SRCIN1: variants seen among roughly 807,000 people sequenced by gnomAD.
The protein encoded by SRCIN1 is SRC kinase signaling inhibitor 1, also known as P130Cas-associated protein.
In SRCIN1, 50 loss-of-function variants were observed where a neutral mutation model predicts 116.2. The observed-to-expected ratio is 0.43, with a 90% CI of 0.34 to 0.54. The LOEUF (loss-of-function observed/expected upper bound fraction) is 0.54. Ranked by LOEUF, SRCIN1 falls within the 20% of genes least tolerant of loss-of-function variation. The pLI is 0.02. For missense variants in SRCIN1, 1,446 were observed against 1,672.0 expected (o/e 0.86, Z 2.36); for synonymous variants, 736 against 750.0 (o/e 0.98, Z 0.30).
At chr17:38,596,257 CA>C (rs1908724680) in intron 1 of SRCIN1, among the ~76,000 whole-genome samples, 1 of 152,122 alleles carries the variant, frequency 6.6e-6, no homozygotes, top group African/African-American at 2.4e-5. Flanking sequence ...GGGGCAGGGC[CA>C]TGGGCCATGG....
At chr17:38,597,901 G>A (rs1223989953) in intron 1 of SRCIN1, among the ~76,000 whole-genome samples, 1 of 152,144 alleles carries the variant, frequency 6.6e-6, no homozygotes, top group African/African-American at 2.4e-5. Flanking sequence ...ACCAGGAGGG[G>A]GTGAGCCATC....
At chr17:38,571,299 G>A (rs923249953) in intron 2 of SRCIN1, among the ~76,000 whole-genome samples, 16 of 152,156 alleles carry the variant, frequency 1.1e-4, no homozygotes, top group African/African-American at 3.6e-4. Context: ...GCCCAGTACA[G>A]TACCTGGTGG....
intron 17 of SRCIN1, chr17:38,546,440 C>T (rs561671343): frequency 1.3e-5 from 2 of 152,434 alleles, no homozygotes; most frequent in South Asian, 4.1e-4. Flanking sequence ...AGGAACCCAC[C>T]CAGCCTTGCC....
At chr17:38,559,518 A>C (rs1567863168) in intron 10 of SRCIN1, 67 bp downstream of exon 10, 3 of 1,517,532 alleles carry the variant, frequency 2.0e-6, no homozygotes, top group Non-Finnish European at 2.7e-6. Flanking sequence ...ATGGGGCGGG[A>C]CTTGCGGCAA....
intron 18 of SRCIN1, among the ~76,000 whole-genome samples, chr17:38,537,799 A>G (rs1216085426): frequency 9.6e-5 from 14 of 145,542 alleles, no homozygotes; most frequent in East Asian, 4.1e-4. Flanking sequence ...TCAAAAAAAA[A>G]AAAGAAAGAA....
intron 1 of SRCIN1, among the ~76,000 whole-genome samples, chr17:38,601,703 C>T (rs923638082): frequency 7.9e-5 from 12 of 152,106 alleles, no homozygotes; most frequent in African/African-American, 2.7e-4. Flanking sequence ...CTCTGCAGCC[C>T]TTCCTGGACT....
At chr17:38,580,407 T>A (rs1308858506) in intron 1 of SRCIN1, among the ~76,000 whole-genome samples, 1 of 152,124 alleles carries the variant, frequency 6.6e-6, no homozygotes, top group Non-Finnish European at 1.5e-5. Context: ...AGGGCTCCCA[T>A]GGGCATGAGA....
intron 18 of SRCIN1, among the ~76,000 whole-genome samples, chr17:38,536,616 C>T (rs1002020940): frequency 6.6e-6 from 1 of 152,222 alleles, no homozygotes; most frequent in Non-Finnish European, 1.5e-5. Context: ...ACTCTACAGA[C>T]CCCGCTGACT....
At chr17:38,535,933 A>T (rs919558997) in intron 18 of SRCIN1, among the ~76,000 whole-genome samples, 1 of 152,168 alleles carries the variant, frequency 6.6e-6, no homozygotes, top group South Asian at 2.1e-4. Flanking sequence ...CTACCCCTTC[A>T]GCATTTTTCA....
chr17:38,569,475 T>G (rs1164476264), intron 2 of SRCIN1, among the ~76,000 whole-genome samples: 4 of 152,128 alleles, frequency 2.6e-5, no homozygotes, highest in Non-Finnish European at 4.4e-5. Flanking sequence ...GCCACCTGAA[T>G]GCTTTCCTGG....
rs1567848998 is a variant in SRCIN1 at position 38,538,436 on chromosome 17, AT to A, written c.3418-5006del. ...CGTCTCAAAAAAAAAAAAAAAAATA[AT>A]AATAATAATAATAAAATAATAAAAA... On this transcript the variant is annotated intron_variant, in intron 18 of 18. Coordinates refer to ENST00000617146, the MANE Select transcript of SRCIN1 (RefSeq NM_025248.3). Among the ~76,000 whole-genome samples the A allele has an allele frequency of 5.1e-3, 748 of 145,592 alleles. 14 individuals are homozygous for A. The highest frequency in any genetic ancestry group is 0.018 in the African/African-American group (690 of 38,430).
rs1045463347 is a variant in SRCIN1, at chr17:38,531,438, TTA to T, written c.*1857_*1858del. 6.8e-6 allele frequency: 1 copy of T among 147,024 alleles called. No homozygotes were observed. Among genetic ancestry groups the T allele is most frequent in the Non-Finnish European group, 1.5e-5 (1 of 66,864 alleles). 9.1% of individuals were successfully genotyped at this position (147,024 alleles called of 1,614,324 possible). A position where few individuals can be genotyped will look rare whatever the true frequency, so the allele number is the denominator to read the frequency against. On this transcript the variant is annotated 3_prime_UTR_variant, in exon 19 of 19. Transcript: ENST00000617146. ...TTTATATATATTTATATTACGTATA[TTA>T]TATATATAATATGTAAATATATTTT...
At chr17:38,603,235 G>T (rs993103115) in intron 1 of SRCIN1, among the ~76,000 whole-genome samples, 1 of 152,108 alleles carries the variant, frequency 6.6e-6, no homozygotes, top group African/African-American at 2.4e-5. Flanking sequence ...AAGAGAGAGA[G>T]AGAGCGCGAG....
intron 11 of SRCIN1, among the ~76,000 whole-genome samples, chr17:38,553,120 G>C (rs943321311): frequency 1.3e-5 from 2 of 152,176 alleles, no homozygotes; most frequent in Non-Finnish European, 2.9e-5. Flanking sequence ...GCTGGATGTA[G>C]TGGCAGGTGC....
rs925802431 is a variant in SRCIN1, at chr17:38,530,760, C to G, written c.*2537G>C. On this transcript the variant is annotated 3_prime_UTR_variant, in exon 19 of 19. Coordinates refer to ENST00000617146, the MANE Select transcript of SRCIN1 (RefSeq NM_025248.3). Reference sequence around the variant, plus strand: ...TCTCGGCATGTCTGCACACACATTACACATGTTCTCACACACAAAGCTCCT... The same window carrying G: ...TCTCGGCATGTCTGCACACACATTAGACATGTTCTCACACACAAAGCTCCT... 6.6e-6 allele frequency: 1 copy of G among 152,340 alleles called. No individual in the cohort carries two copies. The highest frequency in any genetic ancestry group is 2.4e-5 in the African/African-American group (1 of 41,468). The allele number at this position is 152,340 out of a possible 1,614,324, so 9.4% of individuals were successfully genotyped here. A position where few individuals can be genotyped will look rare whatever the true frequency, so the allele number is the denominator to read the frequency against.
At position 38,552,805 on chromosome 17, in the gene SRCIN1, T is replaced by C; in HGVS notation, c.2252A>G (p.His751Arg). The C allele has an allele frequency of 1.9e-6, 3 of 1,613,850 alleles. No individual in the cohort carries two copies. Among genetic ancestry groups the C allele is most frequent in the Non-Finnish European group, 2.5e-6 (3 of 1,179,856 alleles). Residue 751 changes from histidine (H) to arginine (R), a missense_variant, in exon 12 of 19, where the codon CAC becomes CGC. Coordinates refer to ENST00000617146, the MANE Select transcript of SRCIN1 (RefSeq NM_025248.3). The surrounding 1 kb of genome is among the most constrained non-coding windows in gnomAD (Gnocchi z 5.3). ...EKIQRDVSHN[H>R]RLVPGPELEE... ...CAGCTCAGGGCCGGGCACCAGCCGG[T>C]GGTTGTGGGACACGTCTCTCTGGAT...
Position 38,551,186 on chromosome 17 carries a change from G to A in SRCIN1, c.2931C>T (p.Pro977=). The change falls in exon 15 of 19, where the codon CCC becomes CCT. Residue 977 remains proline, a synonymous_variant. Transcript: ENST00000617146. The stretch of plus-strand genomic sequence containing the variant: ...CCCTCCTCCCACTGGGCTCCGTTCG[G>A]GGGGCTGCCTTCTGGCCGTGGGGGG... ...PKAPHGQKAA[P]RTEPSGRRGS... is the part of the protein sequence containing the mutation. 6.3e-7 allele frequency: 1 copy of A among 1,584,722 alleles called. No homozygotes were observed. The highest frequency in any genetic ancestry group is 8.6e-7 in the Non-Finnish European group (1 of 1,161,214).
rs553016320 is a variant in SRCIN1, at chr17:38,530,388, C to T, written c.*2909G>A. The T allele has an allele frequency of 2.7e-4, 42 of 152,802 alleles. No homozygotes were observed. Among genetic ancestry groups the T allele is most frequent in the Non-Finnish European group, 1.5e-4 (10 of 68,458 alleles). The allele number at this position is 152,802 out of a possible 1,614,324, so 9.5% of individuals were successfully genotyped here. ...CAGGAAATCCCCCATGCGAGTAACA[C>T]AGCACAGTGGGCGGGGGCTGAGAGG... On this transcript the variant is annotated 3_prime_UTR_variant, in exon 19 of 19. Transcript: ENST00000617146.
chr17:38,544,109 A>G lies in SRCIN1; in HGVS notation c.3271-140T>C. On this transcript the variant is annotated intron_variant, in intron 17 of 18. Coordinates refer to ENST00000617146, the MANE Select transcript of SRCIN1 (RefSeq NM_025248.3). This position sits in a 1 kb window ranked among gnomAD's most constrained non-coding sequence, Gnocchi z 4.5. ...GACCTGGAGACCCCTCTCTAGCTCC[A>G]CACCCGAGTCCAGAACCCAGGTCCA... 1.9e-6 allele frequency: 2 copies of G among 1,062,474 alleles called. No individual in the cohort carries two copies. Among genetic ancestry groups the G allele is most frequent in the Non-Finnish European group, 2.6e-6 (2 of 761,456 alleles). The allele number at this position is 1,062,474 out of a possible 1,614,324, so 65.8% of individuals were successfully genotyped here.
Sources: gnomAD v4.1 joint callset for allele counts (sites outside exome capture counted in the v4.1 genomes callset) on GRCh38, gnomAD v4.1.1 for gene constraint, Gnocchi (gnomAD v3.1) non-coding constraint, MANE v1.5 for transcripts, NCBI Gene and HGNC (gene_info 2026-07-23, HGNC 2026-07-21) for gene names.